The following KCNH5 variants were observed in gnomAD, a reference collection of about 807,000 sequenced individuals.
KCNH5 encodes voltage-gated delayed rectifier potassium channel KCNH5.
A neutral mutation model predicts 96.1 loss-of-function variants in KCNH5; 46 were observed. That is an observed-to-expected ratio of 0.48 (90% CI 0.38 to 0.61). The LOEUF is 0.61. Ranked by LOEUF, KCNH5 falls within the 20% of genes least tolerant of loss-of-function variation. The pLI, the probability that KCNH5 is intolerant of heterozygous loss-of-function variation, is 0.00. For synonymous variants in KCNH5, 439 were observed against 449.8 expected, an observed-to-expected ratio of 0.98 and a Z score of 0.30; for missense variants, 907 against 1,225.8, an observed-to-expected ratio of 0.74 and a Z score of 3.88.
At chr14:62,862,856 C>A (rs1215271770) in intron 7 of KCNH5, among the ~76,000 whole-genome samples, 1 of 152,206 alleles carries the variant, frequency 6.6e-6, no homozygotes, top group Non-Finnish European at 1.5e-5. Flanking sequence ...ATTGCTCAGT[C>A]AACCCAGAGG....
At chr14:62,892,890 C>T (rs2140086561) in intron 7 of KCNH5, among the ~76,000 whole-genome samples, 1 of 152,234 alleles carries the variant, frequency 6.6e-6, no homozygotes, top group African/African-American at 2.4e-5. Flanking sequence ...AAGGGTGCTT[C>T]TCTCTGACAA....
At chr14:62,839,013 A>G (rs1026899358) in intron 8 of KCNH5, among the ~76,000 whole-genome samples, 1 of 152,178 alleles carries the variant, frequency 6.6e-6, no homozygotes, top group African/African-American at 2.4e-5. Flanking sequence ...AATGTACATA[A>G]CCTTGGACTT....
intron 8 of KCNH5, among the ~76,000 whole-genome samples, chr14:62,817,232 A>G (rs1055547936): frequency 5.2e-5 from 7 of 135,092 alleles, no homozygotes; most frequent in African/African-American, 1.6e-4. Context: ...ATAATATAAT[A>G]CATATATTAT....
At chr14:62,731,915 T>C (rs1303346784) in intron 10 of KCNH5, among the ~76,000 whole-genome samples, 1 of 152,196 alleles carries the variant, frequency 6.6e-6, no homozygotes, top group Admixed American at 6.5e-5. Flanking sequence ...TTCAGGCTGT[T>C]GAGCACACAC....
chr14:62,724,936 C>G (rs1485647453), intron 10 of KCNH5, among the ~76,000 whole-genome samples: 1 of 152,192 alleles, frequency 6.6e-6, no homozygotes, highest in Non-Finnish European at 1.5e-5. Flanking sequence ...TGCAAACACA[C>G]AGCAAAGCCG....
chr14:62,862,650 T>C (rs1888060162), intron 7 of KCNH5, among the ~76,000 whole-genome samples: 1 of 152,176 alleles, frequency 6.6e-6, no homozygotes. Flanking sequence ...ACTTGAAGTT[T>C]TTGCCTTTAC....
intron 8 of KCNH5, among the ~76,000 whole-genome samples, chr14:62,814,114 C>T (rs979816531): frequency 1.3e-5 from 2 of 152,108 alleles, no homozygotes; most frequent in African/African-American, 2.4e-5. Flanking sequence ...TAGGTTAAAC[C>T]TCATTGGTTT....
At chr14:63,017,012 T>G in intron 1 of KCNH5, 58 bp from the exon 2 acceptor site, 1 of 1,533,838 alleles carries the variant, frequency 6.5e-7, no homozygotes, top group East Asian at 2.3e-5. Context: ...ATGCACTTAT[T>G]TCAAGTAATC....
At chr14:63,002,542 C>T (rs1424552116) in intron 3 of KCNH5, among the ~76,000 whole-genome samples, 1 of 152,084 alleles carries the variant, frequency 6.6e-6, no homozygotes, top group Admixed American at 6.5e-5. Flanking sequence ...GGGAGTGAAA[C>T]GTGCAGGTAT....
At chr14:62,832,077 T>A (rs1387161376) in intron 8 of KCNH5, among the ~76,000 whole-genome samples, 2 of 152,200 alleles carry the variant, frequency 1.3e-5, no homozygotes, top group East Asian at 3.8e-4. Flanking sequence ...ACTTGTGTCA[T>A]ATTAAAGCAA....
At chr14:62,834,797 T>C (rs1887432393) in intron 8 of KCNH5, among the ~76,000 whole-genome samples, 1 of 152,020 alleles carries the variant, frequency 6.6e-6, no homozygotes, top group Non-Finnish European at 1.5e-5. Context: ...GAATTCAAAT[T>C]AATACGTCCA....
intron 7 of KCNH5, among the ~76,000 whole-genome samples, chr14:62,899,697 A>G (rs1015456769): frequency 6.0e-5 from 9 of 150,590 alleles, no homozygotes; most frequent in African/African-American, 7.3e-5. Flanking sequence ...AGCCGGGCGT[A>G]GTGGCGGGCG....
intron 7 of KCNH5, among the ~76,000 whole-genome samples, chr14:62,898,976 A>G (rs1416779226): frequency 1.3e-5 from 2 of 152,182 alleles, no homozygotes; most frequent in African/African-American, 2.4e-5. Flanking sequence ...TATATAAAAT[A>G]TAAATTGCCA....
chr14:62,759,573 A>ATATATATATATATTTTTTTTTTTTTTTT (rs1171935428), intron 10 of KCNH5, among the ~76,000 whole-genome samples: 2 of 151,086 alleles, frequency 1.3e-5, no homozygotes, highest in Non-Finnish European at 1.5e-5. Flanking sequence ...CGTAGGGTAT[A>ATATATATATATATTTTTTTTTTTTTTTT]TTTTTTAATA....
At chr14:62,723,351 C>A (rs1270246353) in intron 10 of KCNH5, among the ~76,000 whole-genome samples, 1 of 152,096 alleles carries the variant, frequency 6.6e-6, no homozygotes, top group Non-Finnish European at 1.5e-5. Context: ...GAATTATCTT[C>A]TATTAAGTAT....
intron 8 of KCNH5, among the ~76,000 whole-genome samples, chr14:62,833,972 A>G (rs1887414314): frequency 1.3e-5 from 2 of 152,042 alleles, no homozygotes; most frequent in Non-Finnish European, 2.9e-5. Flanking sequence ...ATCTGTCTCT[A>G]CTACTCTAAC....
chr14:62,964,969 G>A (rs1365408455), intron 6 of KCNH5, among the ~76,000 whole-genome samples: 2 of 152,046 alleles, frequency 1.3e-5, no homozygotes, highest in African/African-American at 4.8e-5. Context: ...TTCAACAAAT[G>A]TCTGGTGCAA....
In KCNH5 at chr14:62,702,896, A is replaced by C. The variant is rs1015371429; in HGVS notation, c.*4612T>G. On this transcript the variant is annotated 3_prime_UTR_variant, in exon 11 of 11. Coordinates refer to ENST00000322893, the MANE Select transcript of KCNH5 (RefSeq NM_139318.5). ...TGCCCATGTGGAATCATATATCTTG[A>C]ACAGGTCATGATTATTTTAATATAA... is the stretch of plus-strand genomic sequence containing the variant. The C allele has an allele frequency of 2.6e-5, 4 of 151,952 alleles. No individual in the cohort carries two copies. The highest frequency in any genetic ancestry group is 7.2e-5 in the African/African-American group (3 of 41,436). 9.4% of individuals were successfully genotyped at this position (151,952 alleles called of 1,614,324 possible).
rs374091824 is a variant in KCNH5 at position 62,950,384 on chromosome 14, T to C, written c.1118A>G (p.Tyr373Cys). ...LACIWYSIGD[Y>C]EVIDEVTNTI... ...GTTAGTGACTTCATCAATGACCTCG[T>C]AGTCTCCGATGCTATACCATATGCA... Residue 373 changes from tyrosine (Y) to cysteine (C), a missense_variant, in exon 7 of 11, where the codon TAC becomes TGC. Tyr to Cys is a radical substitution (Grantham distance 194, BLOSUM62 -2). This residue lies in a region of KCNH5 where 370 missense variants were observed against 561.3 expected (regional missense o/e 0.66). Coordinates refer to ENST00000322893, the MANE Select transcript of KCNH5 (RefSeq NM_139318.5). The C allele has an allele frequency of 6.2e-6, 10 of 1,613,906 alleles. No homozygotes were observed. Among genetic ancestry groups the C allele is most frequent in the Non-Finnish European group, 8.5e-6 (10 of 1,179,996 alleles).
Sources: allele counts gnomAD v4.1 joint callset (sites outside exome capture counted in the v4.1 genomes callset), GRCh38; gene constraint gnomAD v4.1.1; regional missense constraint gnomAD v4.1.1; transcripts MANE v1.5; gene names NCBI Gene and HGNC (gene_info 2026-07-23, HGNC 2026-07-21).